The following SEM1 variants were observed in gnomAD, a reference collection of about 807,000 sequenced individuals.
The protein encoded by SEM1 is 26S proteasome complex subunit SEM1.
A neutral mutation model predicts 12.7 loss-of-function variants in SEM1; 3 were observed. That is an observed-to-expected ratio of 0.24 (90% CI 0.11 to 0.61). The LOEUF (loss-of-function observed/expected upper bound fraction) is 0.61. Ranked by LOEUF, SEM1 falls within the 20% of genes least tolerant of loss-of-function variation. The pLI is 0.88. For missense variants in SEM1, 59 were observed against 81.3 expected, an observed-to-expected ratio of 0.73 and a Z score of 1.06; for synonymous variants, 30 against 27.8, an observed-to-expected ratio of 1.08 and a Z score of -0.25.
intron 1 of SEM1, among the ~76,000 whole-genome samples, chr7:96,494,208 C>A (rs148928504): frequency 6.6e-6 from 1 of 152,098 alleles, no homozygotes; most frequent in Non-Finnish European, 1.5e-5. Flanking sequence ...TGTACAAACT[C>A]GGGCCAGTGA....
intron 2 of SEM1, among the ~76,000 whole-genome samples, chr7:96,565,057 T>C (rs1197678661): frequency 6.6e-6 from 1 of 151,954 alleles, no homozygotes; most frequent in Non-Finnish European, 1.5e-5. Context: ...CAAAACCTAG[T>C]CCTCCATTCC....
chr7:96,626,866 G>T (rs545046766), intron 2 of SEM1, among the ~76,000 whole-genome samples: 1 of 152,124 alleles, frequency 6.6e-6, no homozygotes, highest in African/African-American at 2.4e-5. Flanking sequence ...ATTGGTATTA[G>T]TTCTTCTTTA....
At chr7:96,643,345 ATTTATT>A (rs112967464) in intron 2 of SEM1, among the ~76,000 whole-genome samples, 22,529 of 151,396 alleles carry the variant, frequency 0.15, 3,001 homozygotes, top group African/African-American at 0.36. Context: ...CTTTATTTTT[ATTTATT>A]TTTAATTTTT....
chr7:96,597,183 T>A (rs1807024778), intron 2 of SEM1, among the ~76,000 whole-genome samples: 1 of 152,220 alleles, frequency 6.6e-6, no homozygotes, highest in Non-Finnish European at 1.5e-5. Context: ...GCCTTAACCA[T>A]CTCTGCTTAC....
downstream of SEM1, among the ~76,000 whole-genome samples, chr7:96,620,568 C>T (rs1477445374): frequency 6.6e-6 from 1 of 152,166 alleles, no homozygotes; most frequent in Admixed American, 6.5e-5. Context: ...AAACCCATTT[C>T]GGAGCCCTGA....
In SEM1 at chr7:96,530,799, G is replaced by A. The variant is rs188456015; in HGVS notation, c.171-24101C>T. ...TCAAAACATCTGAGAAGGATAGGGA[G>A]TAGGAAAGAGTACATGAGAAGAGTT... On this transcript the variant is annotated intron_variant and NMD_transcript_variant, in intron 2 of 3. Transcript: ENST00000466986. 2.1e-3 allele frequency among the ~76,000 whole-genome samples: 323 copies of A among 152,218 alleles called. 8 individuals are homozygous for A. The highest frequency in any genetic ancestry group is 0.021 in the Admixed American group (318 of 15,280).
chr7:96,667,097 T>C (rs951734102), intron 2 of SEM1, among the ~76,000 whole-genome samples: 1 of 152,196 alleles, frequency 6.6e-6, no homozygotes, highest in Non-Finnish European at 1.5e-5. Flanking sequence ...GATTCCAGCC[T>C]AACCCAAAGC....
At chr7:96,514,270 A>C (rs1270678851) in intron 2 of SEM1, among the ~76,000 whole-genome samples, 1 of 152,072 alleles carries the variant, frequency 6.6e-6, no homozygotes, top group Non-Finnish European at 1.5e-5. Context: ...TAAGAAATGG[A>C]GTCTTGCTAT....
At chr7:96,646,789 G>A (rs1199518092) in intron 2 of SEM1, among the ~76,000 whole-genome samples, 2 of 152,172 alleles carry the variant, frequency 1.3e-5, no homozygotes, top group East Asian at 3.8e-4. Flanking sequence ...CCCCATGTAA[G>A]AGTCACAGAG....
intron 2 of SEM1, among the ~76,000 whole-genome samples, chr7:96,690,186 T>C (rs1160883701): frequency 6.6e-6 from 1 of 152,114 alleles, no homozygotes; most frequent in African/African-American, 2.4e-5. Context: ...TAAAAGTAAT[T>C]TTACAACTTT....
At chr7:96,699,578 T>C (rs776248097) in intron 1 of SEM1, among the ~76,000 whole-genome samples, 2 of 152,206 alleles carry the variant, frequency 1.3e-5, no homozygotes, top group Non-Finnish European at 2.9e-5. Context: ...AAATACAATA[T>C]ACATACACAT....
rs142534340 is a variant in SEM1, at chr7:96,534,537, T to C, written c.171-27839A>G. Among the ~76,000 whole-genome samples the C allele has an allele frequency of 6.3e-3, 963 of 152,126 alleles. 7 individuals are homozygous for C. The highest frequency in any genetic ancestry group is 0.022 in the African/African-American group (927 of 41,538). On this transcript the variant is annotated intron_variant and NMD_transcript_variant, in intron 2 of 3. Coordinates refer to the SEM1 transcript ENST00000466986. Reference sequence around the variant, plus strand: ...GGTAATGGTATGACGAACAGGAAAATTTCATTGGTAATAGTTTCAGATTCT... The same window carrying C: ...GGTAATGGTATGACGAACAGGAAAACTTCATTGGTAATAGTTTCAGATTCT...
intron 2 of SEM1, among the ~76,000 whole-genome samples, chr7:96,532,261 C>A (rs931027046): frequency 2.6e-5 from 4 of 151,878 alleles, no homozygotes; most frequent in African/African-American, 9.7e-5. Context: ...TCACTTTTCC[C>A]AAATTAATTT....
Position 96,593,429 on chromosome 7 carries a change from T to C in SEM1, c.171-86731A>G, listed in dbSNP as rs922154641. On this transcript the variant is annotated intron_variant and NMD_transcript_variant, in intron 2 of 3. Transcript: ENST00000466986. The stretch of plus-strand genomic sequence containing the variant: ...TACATACCTCCTAGAAAAATTCAAT[T>C]AAACATAAAACATTTCTCTTACAGC... Among the ~76,000 whole-genome samples, 14 of 152,270 alleles carry C rather than the reference T, an allele frequency of 9.2e-5. 1 individual carries two copies. The East Asian group carries it at 2.7e-3, about 29-fold the overall frequency.
intron 2 of SEM1, among the ~76,000 whole-genome samples, chr7:96,522,686 T>C (rs1804315690): frequency 6.7e-6 from 1 of 149,856 alleles, no homozygotes; most frequent in South Asian, 2.1e-4. Context: ...GAGACCAGCC[T>C]GACCAACATG....
At chr7:96,539,163 C>G (rs1804875794) in intron 2 of SEM1, among the ~76,000 whole-genome samples, 1 of 151,804 alleles carries the variant, frequency 6.6e-6, no homozygotes, top group Non-Finnish European at 1.5e-5. Flanking sequence ...TATGGATGAG[C>G]TTGCAAGTGG....
rs1790341351 is a variant in SEM1, at chr7:96,703,647, CA to C, written c.76+6040del. On this transcript the variant is annotated intron_variant, in intron 1 of 2. Coordinates refer to ENST00000248566, the MANE Select transcript of SEM1 (RefSeq NM_006304.2). ...TAAGGTTATTCACTGCAGCATATTC[CA>C]TTTTTTTTTTTTCTTTTAAAGGCCA... 5.7e-5 allele frequency among the ~76,000 whole-genome samples: 7 copies of C among 123,058 alleles called. No homozygotes were observed. In the South Asian group the frequency reaches 1.7e-3, roughly 30 times the overall value. 80.7% of individuals were successfully genotyped at this position (123,058 alleles called of 152,430 possible).
intron 2 of SEM1, chr7:96,646,031 C>G (rs1808782431): frequency 5.0e-6 from 2 of 396,160 alleles, no homozygotes; most frequent in Admixed American, 8.8e-5. Flanking sequence ...CTTTCCCATT[C>G]TCCATTGTCC....
intron 2 of SEM1, among the ~76,000 whole-genome samples, chr7:96,658,759 A>G (rs1237813184): frequency 6.6e-6 from 1 of 152,162 alleles, no homozygotes; most frequent in Admixed American, 6.5e-5. Context: ...CACAGTGCTG[A>G]GTGTCCCACA....
Sources: gnomAD v4.1 joint callset for allele counts (sites outside exome capture counted in the v4.1 genomes callset) on GRCh38, gnomAD v4.1.1 for gene constraint, MANE v1.5 for transcripts, NCBI Gene and HGNC (gene_info 2026-07-23, HGNC 2026-07-21) for gene names.